Variants in GABRR1 observed in about 807,000 individuals in gnomAD.
GABRR1 encodes the protein gamma-aminobutyric acid type A receptor subunit rho1.
Under a neutral mutation model 55.5 loss-of-function variants are expected in GABRR1, and 59 were observed. The observed-to-expected ratio is 1.06, with a 90% CI of 0.86 to 1.32. The LOEUF is 1.32. Ranked by LOEUF, GABRR1 falls within the 40% of genes most tolerant of loss-of-function variation. The pLI is 0.00. For synonymous variants in GABRR1, 213 were observed against 226.0 expected (o/e 0.94, Z 0.51); for missense variants, 602 against 619.1 (o/e 0.97, Z 0.29).
intron 3 of GABRR1, among the ~76,000 whole-genome samples, chr6:89,200,166 T>C (rs980010659): frequency 6.6e-4 from 101 of 152,068 alleles, no homozygotes; most frequent in African/African-American, 2.3e-3. Context: ...AGAGACTCTC[T>C]TCTACAGCCT....
intron 5 of GABRR1, among the ~76,000 whole-genome samples, chr6:89,191,997 G>A (rs964292513): frequency 2.0e-5 from 3 of 151,424 alleles, no homozygotes; most frequent in African/African-American, 2.4e-5. Flanking sequence ...AGCCGAGATC[G>A]CATCACTGCA....
intron 3 of GABRR1, among the ~76,000 whole-genome samples, chr6:89,199,766 G>A (rs890024972): frequency 6.6e-6 from 1 of 152,204 alleles, no homozygotes; most frequent in African/African-American, 2.4e-5. Context: ...GCCTTCTGGT[G>A]TTGCACCCTC....
intron 1 of GABRR1, among the ~76,000 whole-genome samples, chr6:89,224,821 C>T (rs970200583): frequency 6.6e-5 from 10 of 151,980 alleles, no homozygotes; most frequent in African/African-American, 2.4e-4. Context: ...CTTGCTCTGT[C>T]ACCCAGGCTG....
At chr6:89,189,586 C>T (rs1309964832) in intron 6 of GABRR1, among the ~76,000 whole-genome samples, 2 of 144,804 alleles carry the variant, frequency 1.4e-5, no homozygotes, top group Non-Finnish European at 3.0e-5. Context: ...GGGTGCAGCG[C>T]ACCAGCATGG....
upstream of GABRR1, among the ~76,000 whole-genome samples, chr6:89,222,238 A>C (rs10944437): frequency 0.36 from 54,241 of 152,072 alleles, 10,212 homozygotes; most frequent in African/African-American, 0.45. Flanking sequence ...TTATACCTGG[A>C]TAAAATTATA....
chr6:89,192,561 CTTCTTT>C (rs1394345044), intron 5 of GABRR1, among the ~76,000 whole-genome samples: 15 of 147,890 alleles, frequency 1.0e-4, no homozygotes, highest in African/African-American at 3.7e-4. Context: ...TCTTCTTCTT[CTTCTTT>C]TTTTTTTTTT....
At chr6:89,179,566 A>T (rs1219258486) in intron 9 of GABRR1, among the ~76,000 whole-genome samples, 3 of 152,194 alleles carry the variant, frequency 2.0e-5, no homozygotes, top group Non-Finnish European at 2.9e-5. Context: ...GACTCTTAGA[A>T]AATATCACAG....
chr6:89,181,236 C>A (rs1771708612), intron 8 of GABRR1, among the ~76,000 whole-genome samples: 1 of 152,120 alleles, frequency 6.6e-6, no homozygotes, highest in African/African-American at 2.4e-5. Context: ...GGATTGGGGT[C>A]ATCTTAAGGG....
At chr6:89,187,807 T>G (rs1314869829) in intron 6 of GABRR1, among the ~76,000 whole-genome samples, 1 of 152,214 alleles carries the variant, frequency 6.6e-6, no homozygotes, top group African/African-American at 2.4e-5. Context: ...AAATCCTTGT[T>G]TTTTAAGGCC....
chr6:89,193,873 A>G (rs763042018), intron 5 of GABRR1, among the ~76,000 whole-genome samples: 2 of 152,160 alleles, frequency 1.3e-5, no homozygotes, highest in Non-Finnish European at 2.9e-5. Flanking sequence ...CTGAGATGCC[A>G]GTAGGAGAAC....
rs1771627688 is a variant in GABRR1, at chr6:89,178,975, T to G, written c.1235A>C (p.Tyr412Ser). ...GGGCTTCTCTCCATTCTCTGGCATG[T>G]AGTTGTCCAGGTCATTCACCTCCCC... is the stretch of plus-strand genomic sequence containing the variant. ...SDGEVNDLDN[Y>S]MPENGEKPDR... Residue 412 changes from tyrosine (Y) to serine (S), a missense_variant, in exon 10 of 10, where the codon TAC becomes TCC. By Grantham distance (144) the Tyr-to-Ser change is moderately radical. Around this residue, in one of 3 missense-constraint regions of GABRR1, gnomAD observed 139 missense variants for 141.1 expected, o/e 0.99. Coordinates refer to ENST00000454853, the MANE Select transcript of GABRR1 (RefSeq NM_002042.5). 2.5e-6 allele frequency: 4 copies of G among 1,614,068 alleles called. No homozygotes were observed. In the African/African-American group the frequency reaches 5.3e-5, roughly 22 times the overall value.
intron 1 of GABRR1, among the ~76,000 whole-genome samples, chr6:89,216,600 T>TG (rs1455861111): frequency 6.6e-6 from 1 of 152,164 alleles, no homozygotes; most frequent in African/African-American, 2.4e-5. Flanking sequence ...AAGCTCCCTC[T>TG]GCAAGTGCTG....
At chr6:89,216,791 CAG>C (rs1251015331) in intron 1 of GABRR1, among the ~76,000 whole-genome samples, 1 of 152,190 alleles carries the variant, frequency 6.6e-6, no homozygotes, top group Admixed American at 6.5e-5. Flanking sequence ...ACAAATCTAA[CAG>C]AAATAATTAG....
At chr6:89,200,396 A>C (rs1444369469) in intron 3 of GABRR1, among the ~76,000 whole-genome samples, 2 of 151,806 alleles carry the variant, frequency 1.3e-5, no homozygotes, top group African/African-American at 4.8e-5. Context: ...CTACAGGTGC[A>C]CACCACCACA....
intron 2 of GABRR1, among the ~76,000 whole-genome samples, chr6:89,203,154 C>T (rs1772531184): frequency 6.6e-6 from 1 of 152,192 alleles, no homozygotes; most frequent in Non-Finnish European, 1.5e-5. Context: ...AGAATTGGAA[C>T]CAGTGAGCTG....
At chr6:89,188,740 C>T (rs543208435) in intron 6 of GABRR1, among the ~76,000 whole-genome samples, 5 of 152,138 alleles carry the variant, frequency 3.3e-5, no homozygotes, top group Admixed American at 1.3e-4. Context: ...CTGATAATGT[C>T]GATGCACAAA....
intron 5 of GABRR1, among the ~76,000 whole-genome samples, chr6:89,196,284 T>C (rs1772269232): frequency 6.6e-6 from 1 of 152,210 alleles, no homozygotes; most frequent in Non-Finnish European, 1.5e-5. Flanking sequence ...ATACGTCCTT[T>C]ATGTCAGTGA....
At chr6:89,215,164 C>T (rs1038271922) in intron 1 of GABRR1, among the ~76,000 whole-genome samples, 3 of 152,106 alleles carry the variant, frequency 2.0e-5, no homozygotes, top group African/African-American at 7.2e-5. Flanking sequence ...ACAGAATTAC[C>T]GTATGATCCA....
upstream of GABRR1, among the ~76,000 whole-genome samples, chr6:89,220,265 G>A (rs556868658): frequency 9.2e-5 from 14 of 152,292 alleles, no homozygotes; most frequent in South Asian, 2.1e-4. Context: ...CCTCAAACAC[G>A]CATTTCCTAC....
Sources: gnomAD v4.1 joint callset for allele counts (sites outside exome capture counted in the v4.1 genomes callset) on GRCh38, gnomAD v4.1.1 for gene constraint, gnomAD v4.1.1 regional missense constraint, MANE v1.5 for transcripts, NCBI Gene and HGNC (gene_info 2026-07-23, HGNC 2026-07-21) for gene names.